Variants in CH25H observed in about 807,000 individuals in gnomAD.
The protein encoded by CH25H is cholesterol 25-monooxygenase.
In CH25H, 10 loss-of-function variants were observed where a neutral mutation model predicts 16.6. The observed-to-expected ratio is 0.60, with a 90% CI of 0.37 to 1.02. The LOEUF is 1.02. CH25H is among the 50% of genes least tolerant of loss of function. The pLI is 0.01. For synonymous variants in CH25H, 178 were observed against 158.8 expected (o/e 1.12, Z -0.91); for missense variants, 326 against 344.7 (o/e 0.95, Z 0.43).
rs371119485 is a variant in CH25H, at chr10:89,206,447, G to T, written c.*27C>A. The T allele has an allele frequency of 4.5e-6, 7 of 1,565,872 alleles. No homozygotes were observed. In the African/African-American group the frequency reaches 9.4e-5, roughly 21 times the overall value. Reference sequence around the variant, plus strand: ...AGTGTGAAAGGCACAGCAGTCCCGAGTCTTAGGGGCACCCACCGCAGCCAC... The same window carrying T: ...AGTGTGAAAGGCACAGCAGTCCCGATTCTTAGGGGCACCCACCGCAGCCAC... On this transcript the variant is annotated 3_prime_UTR_variant, in exon 1 of 1. Coordinates refer to ENST00000371852, the MANE Select transcript of CH25H (RefSeq NM_003956.4).
At position 89,206,556 on chromosome 10, in the gene CH25H, A is replaced by G; in HGVS notation, c.737T>C (p.Phe246Ser). Residue 246 changes from phenylalanine (F) to serine (S), a missense_variant, in exon 1 of 1, where the codon TTT becomes TCT. Coordinates refer to ENST00000371852, the MANE Select transcript of CH25H (RefSeq NM_003956.4). ...VVHHDLHHSH[F>S]NCNFAPYFTH... ...AAAGTACGGAGCGAAGTTGCAGTTA[A>G]AGTGAGAGTGATGCAGGTCGTGGTG... 3 of 1,614,126 alleles carry G rather than the reference A, an allele frequency of 1.9e-6. No homozygotes were observed. The South Asian group carries it at 3.3e-5, about 18-fold the overall frequency.
At position 89,207,040 on chromosome 10, in the gene CH25H, G is replaced by A; in HGVS notation, c.253C>T (p.Leu85=). 1 of 1,614,138 alleles carries A rather than the reference G, an allele frequency of 6.2e-7. No homozygotes were observed. Among genetic ancestry groups the A allele is most frequent in the Non-Finnish European group, 8.5e-7 (1 of 1,180,002 alleles). Residue 85 remains leucine, a synonymous_variant, in exon 1 of 1, where the codon CTA becomes TTA. Transcript: ENST00000371852. The stretch of plus-strand genomic sequence containing the variant: ...TAGAGGGTCTGCCCCAGGCAAGGTA[G>A]CAGCTGCTGCGCGGATGGCGAGAAG... ...PDFSPSAQQL[L]PCLGQTLYQH...
rs1842508141 is a variant in CH25H at position 89,206,624 on chromosome 10, G to A, written c.669C>T (p.Ser223=). 1.2e-6 allele frequency: 2 copies of A among 1,614,112 alleles called. No individual in the cohort carries two copies. Among genetic ancestry groups the A allele is most frequent in the Non-Finnish European group, 8.5e-7 (1 of 1,180,044 alleles). The change falls in exon 1 of 1, where the codon TCC becomes TCT. Residue 223 remains serine (S), a synonymous_variant. Transcript: ENST00000371852. ...ACCCGAAGGGCACCAGTCTGTGAGT[G>A]GACCAAGGGAAGTTGTAGCCGGAGT... ...EDHSGYNFPW[S]THRLVPFGWY...
Position 89,207,217 on chromosome 10 carries a change from G to A in CH25H, c.76C>T (p.His26Tyr), listed in dbSNP as rs778573003. ...AGGAGGGCCTCCCAGCTCCTCAGGT[G>A]GTCCCAGAGGGGCTGCAGGAACAGC... ...GQLFLQPLWD[H>Y]LRSWEALLQS... Residue 26 changes from histidine to tyrosine, a missense_variant, in exon 1 of 1, where the codon CAC (histidine) becomes TAC (tyrosine). Physicochemically the swap from His to Tyr is moderately conservative, Grantham distance 83. Coordinates refer to ENST00000371852, the MANE Select transcript of CH25H (RefSeq NM_003956.4). 1 of 1,607,862 alleles carries A rather than the reference G, an allele frequency of 6.2e-7. No individual in the cohort carries two copies. The highest frequency in any genetic ancestry group is 2.2e-5 in the East Asian group (1 of 44,614).
chr10:89,206,555 A>T lies in CH25H; in HGVS notation c.738T>A (p.Phe246Leu). Residue 246 changes from phenylalanine (F) to leucine (L), a missense_variant, in exon 1 of 1, where the codon TTT (phenylalanine) becomes TTA (leucine). Coordinates refer to ENST00000371852, the MANE Select transcript of CH25H (RefSeq NM_003956.4). ...TAAAGTACGGAGCGAAGTTGCAGTT[A>T]AAGTGAGAGTGATGCAGGTCGTGGT... ...VVHHDLHHSH[F>L]NCNFAPYFTH... The T allele has an allele frequency of 6.2e-7, 1 of 1,614,138 alleles. No individual in the cohort carries two copies. Among genetic ancestry groups the T allele is most frequent in the Non-Finnish European group, 8.5e-7 (1 of 1,180,002 alleles).
chr10:89,206,520 T>A lies in CH25H; in HGVS notation c.773A>T (p.Asp258Val). ...AGTCCGCAGCGTTCCCAGTATTTTG[T>A]CCCAGTGTGTAAAGTACGGAGCGAA... ...CNFAPYFTHW[D>V]KILGTLRTAS... Residue 258 changes from aspartate to valine, a missense_variant, in exon 1 of 1, where the codon GAC (aspartate) becomes GTC (valine). Asp to Val is a radical substitution (Grantham distance 152, BLOSUM62 -3). Coordinates refer to ENST00000371852, the MANE Select transcript of CH25H (RefSeq NM_003956.4). 1 of 1,613,772 alleles carries A rather than the reference T, an allele frequency of 6.2e-7. No individual in the cohort carries two copies. The highest frequency in any genetic ancestry group is 1.1e-5 in the South Asian group (1 of 90,978).
Position 89,206,684 on chromosome 10 carries a change from G to A in CH25H, c.609C>T (p.Phe203=), listed in dbSNP as rs1842508942. ...LGCHPLTTLT[F]HVVNIWLSVE... ...CGGAAAGCCAGATGTTGACCACGTG[G>A]AAGGTCAGGGTGGTGAGCGGGTGGC... Residue 203 remains phenylalanine, a synonymous_variant, in exon 1 of 1, where the codon TTC becomes TTT. Coordinates refer to ENST00000371852, the MANE Select transcript of CH25H (RefSeq NM_003956.4). 3.7e-6 allele frequency: 6 copies of A among 1,614,256 alleles called. No homozygotes were observed. Among genetic ancestry groups the A allele is most frequent in the Non-Finnish European group, 5.1e-6 (6 of 1,180,044 alleles).
Position 89,207,196 on chromosome 10 carries a change from G to A in CH25H, c.97C>T (p.Leu33Phe). 1.9e-6 allele frequency: 3 copies of A among 1,610,294 alleles called. No homozygotes were observed. Among genetic ancestry groups the A allele is most frequent in the South Asian group, 2.2e-5 (2 of 90,230 alleles). The change falls in exon 1 of 1, where the codon CTC becomes TTC. Residue 33 changes from leucine (L) to phenylalanine (F), a missense_variant. Physicochemically the swap from Leu to Phe is conservative, Grantham distance 22 (BLOSUM62 0). Transcript: ENST00000371852. ...LWDHLRSWEA[L>F]LQSPFFPVIF... ...ACCGGGAAGAAGGGCGACTGTAGGA[G>A]GGCCTCCCAGCTCCTCAGGTGGTCC...
In CH25H at chr10:89,206,253, C is replaced by T; in HGVS notation, c.*221G>A. ...TTCAAGGCTATTGAGGTGAGCTAGACTAAGAATACCAAGAACACAAAATTG... is the reference window on the plus strand; with the variant it reads ...TTCAAGGCTATTGAGGTGAGCTAGATTAAGAATACCAAGAACACAAAATTG... On this transcript the variant is annotated 3_prime_UTR_variant, in exon 1 of 1. Coordinates refer to ENST00000371852, the MANE Select transcript of CH25H (RefSeq NM_003956.4). 1.8e-6 allele frequency: 1 copy of T among 540,640 alleles called. No homozygotes were observed. The highest frequency in any genetic ancestry group is 2.2e-5 in the South Asian group (1 of 45,116). The allele number at this position is 540,640 out of a possible 1,614,324, so 33.5% of individuals were successfully genotyped here.
Position 89,206,596 on chromosome 10 carries a change from A to G in CH25H, c.697T>C (p.Tyr233His), listed in dbSNP as rs766365587. 6.2e-7 allele frequency: 1 copy of G among 1,614,162 alleles called. No individual in the cohort carries two copies. The highest frequency in any genetic ancestry group is 1.1e-5 in the South Asian group (1 of 91,086). ...STHRLVPFGW[Y>H]GGVVHHDLHH... ...AGGTCGTGGTGCACCACACCCCCGT[A>G]CCACCCGAAGGGCACCAGTCTGTGA... is the stretch of plus-strand genomic sequence containing the variant. Residue 233 changes from tyrosine to histidine, a missense_variant, in exon 1 of 1, where the codon TAC becomes CAC. By Grantham distance (83) the Tyr-to-His change is moderately conservative. Transcript: ENST00000371852.
chr10:89,207,240 AGC>A lies in CH25H; in HGVS notation c.51_52del (p.Gln17HisfsTer59). 6.3e-7 allele frequency: 1 copy of A among 1,598,710 alleles called. No homozygotes were observed. Among genetic ancestry groups the A allele is most frequent in the Non-Finnish European group, 8.5e-7 (1 of 1,173,762 alleles). Reference sequence around the variant, plus strand: ...GTGGTCCCAGAGGGGCTGCAGGAACAGCTGCCCGGAGCTGCAAAGGACCTGGG... The same window carrying A: ...GTGGTCCCAGAGGGGCTGCAGGAACATGCCCGGAGCTGCAAAGGACCTGGG... On this transcript the variant is annotated frameshift_variant, in exon 1 of 1. Transcript: ENST00000371852. LOFTEE classifies it high-confidence loss of function.
In CH25H at chr10:89,206,489, A is replaced by T; in HGVS notation, c.804T>A (p.Ser268=). Residue 268 remains serine (S), a synonymous_variant, in exon 1 of 1, where the codon TCT becomes TCA. Transcript: ENST00000371852. ...CGCAGCCACATCACCGCGCTGGGAC[A>T]GATGCAGTCCGCAGCGTTCCCAGTA... ...DKILGTLRTA[S]VPAR is the part of the protein sequence containing the mutation. 6.2e-7 allele frequency: 1 copy of T among 1,610,108 alleles called. No homozygotes were observed.
In CH25H at chr10:89,206,725, C is replaced by G. The variant is rs763896674; in HGVS notation, c.568G>C (p.Val190Leu). The G allele has an allele frequency of 5.0e-6, 8 of 1,614,212 alleles. No individual in the cohort carries two copies. The highest frequency in any genetic ancestry group is 6.8e-6 in the Non-Finnish European group (8 of 1,180,030). The part of the protein sequence containing the change: ...FSLGFFDMMN[V>L]TLLGCHPLTT... ...AGCGGGTGGCACCCGAGCAGTGTGACGTTCATCATGTCGAAGAAGCCCAAA... is the reference window on the plus strand; with the variant it reads ...AGCGGGTGGCACCCGAGCAGTGTGAGGTTCATCATGTCGAAGAAGCCCAAA... Residue 190 changes from valine (V) to leucine (L), a missense_variant, in exon 1 of 1, where the codon GTC becomes CTC. Coordinates refer to ENST00000371852, the MANE Select transcript of CH25H (RefSeq NM_003956.4).
chr10:89,206,571 A>G lies in CH25H; in HGVS notation c.722T>C (p.Leu241Pro). The G allele has an allele frequency of 6.2e-7, 1 of 1,614,162 alleles. No homozygotes were observed. Among genetic ancestry groups the G allele is most frequent in the Admixed American group, 1.7e-5 (1 of 60,016 alleles). ...GWYGGVVHHD[L>P]HHSHFNCNFA... Reference sequence around the variant, plus strand: ...GTTGCAGTTAAAGTGAGAGTGATGCAGGTCGTGGTGCACCACACCCCCGTA... The same window carrying G: ...GTTGCAGTTAAAGTGAGAGTGATGCGGGTCGTGGTGCACCACACCCCCGTA... Residue 241 changes from leucine (L) to proline (P), a missense_variant, in exon 1 of 1, where the codon CTG (leucine) becomes CCG (proline). Physicochemically the swap from Leu to Pro is moderately conservative, Grantham distance 98. Coordinates refer to ENST00000371852, the MANE Select transcript of CH25H (RefSeq NM_003956.4).
Position 89,206,932 on chromosome 10 carries a change from G to A in CH25H, c.361C>T (p.Leu121=). 6.2e-7 allele frequency: 1 copy of A among 1,614,186 alleles called. No homozygotes were observed. Among genetic ancestry groups the A allele is most frequent in the Admixed American group, 1.7e-5 (1 of 60,026 alleles). Residue 121 remains leucine, a synonymous_variant, in exon 1 of 1, where the codon CTG becomes TTG. Transcript: ENST00000371852. ...PALLPHEAPE[L]LLLLHHILFC... ...AGGATGTGGTGCAGCAGCAGGAGCA[G>A]CTCGGGAGCTTCGTGGGGCAGGAGG...
Position 89,207,095 on chromosome 10 carries a change from G to A in CH25H, c.198C>T (p.Pro66=). The A allele has an allele frequency of 1.2e-6, 2 of 1,613,902 alleles. No individual in the cohort carries two copies. Among genetic ancestry groups the A allele is most frequent in the Non-Finnish European group, 1.7e-6 (2 of 1,179,908 alleles). ...GGTGGATCTTGTAGCGCCGCAGGGC[G>A]GGCACCCAGGAGCACAGGATATCCA... ...VVLDILCSWV[P]ALRRYKIHPD... The change falls in exon 1 of 1, where the codon CCC becomes CCT. Residue 66 remains proline, a synonymous_variant. Transcript: ENST00000371852.
chr10:89,206,430 A>G lies in CH25H; in HGVS notation c.*44T>C, dbSNP rs1185754283. 1 of 1,445,580 alleles carries G rather than the reference A, an allele frequency of 6.9e-7. No homozygotes were observed. Among genetic ancestry groups the G allele is most frequent in the African/African-American group, 1.4e-5 (1 of 71,280 alleles). 89.5% of individuals were successfully genotyped at this position (1,445,580 alleles called of 1,614,324 possible). A position where few individuals can be genotyped will look rare whatever the true frequency, so the allele number is the denominator to read the frequency against. On this transcript the variant is annotated 3_prime_UTR_variant, in exon 1 of 1. Coordinates refer to ENST00000371852, the MANE Select transcript of CH25H (RefSeq NM_003956.4). ...GTGTTTCTCTTCATTCAAGTGTGAA[A>G]GGCACAGCAGTCCCGAGTCTTAGGG...
In CH25H at chr10:89,205,976, A is replaced by G. The variant is rs1239769764; in HGVS notation, c.*498T>C. 1 of 153,136 alleles carries G rather than the reference A, an allele frequency of 6.5e-6. No homozygotes were observed. Among genetic ancestry groups the G allele is most frequent in the Non-Finnish European group, 1.5e-5 (1 of 68,688 alleles). The allele number at this position is 153,136 out of a possible 1,614,324, so 9.5% of individuals were successfully genotyped here. ...GTTTTTTTTCCTTTTTAAAGCACGA[A>G]TAACATTTCTTTCAAAATAAATATA... is the stretch of plus-strand genomic sequence containing the variant. On this transcript the variant is annotated 3_prime_UTR_variant, in exon 1 of 1. Transcript: ENST00000371852.
rs761762740 is a variant in CH25H, at chr10:89,206,473, A to T, written c.*1T>A. 3.7e-6 allele frequency: 6 copies of T among 1,602,358 alleles called. No homozygotes were observed. The highest frequency in any genetic ancestry group is 4.3e-6 in the Non-Finnish European group (5 of 1,172,736). ...TCTTAGGGGCACCCACCGCAGCCAC[A>T]TCACCGCGCTGGGACAGATGCAGTC... is the stretch of plus-strand genomic sequence containing the variant. On this transcript the variant is annotated 3_prime_UTR_variant, in exon 1 of 1. Transcript: ENST00000371852.
Sources: allele counts gnomAD v4.1 joint callset, GRCh38; gene constraint gnomAD v4.1.1; transcripts MANE v1.5; gene names NCBI Gene and HGNC (gene_info 2026-07-23, HGNC 2026-07-21).